Variants in DGKH observed in about 807,000 individuals in gnomAD.
The protein encoded by DGKH is DAG kinase eta.
Under a neutral mutation model 159.3 loss-of-function variants are expected in DGKH, and 90 were observed. That is an observed-to-expected ratio of 0.57 (90% confidence interval 0.48 to 0.67). The LOEUF (loss-of-function observed/expected upper bound fraction) is 0.67, where lower values mean the gene tolerates loss of function less well. DGKH is among the 30% of genes least tolerant of loss of function. The pLI is 0.00. For synonymous variants in DGKH, 536 were observed against 553.8 expected (o/e 0.97, Z 0.45); for missense variants, 1,181 against 1,506.1 (o/e 0.78, Z 3.57).
At chr13:42,112,389 C>T (rs150359645) in intron 1 of DGKH, among the ~76,000 whole-genome samples, 2 of 150,376 alleles carry the variant, frequency 1.3e-5, no homozygotes, top group East Asian at 4.0e-4. Flanking sequence ...TCAAGCGATC[C>T]TCTGGCCTTG....
At chr13:42,158,466 G>C (rs1455105183) in intron 5 of DGKH, among the ~76,000 whole-genome samples, 1 of 152,224 alleles carries the variant, frequency 6.6e-6, no homozygotes, top group Middle Eastern at 3.4e-3. Flanking sequence ...TCCAATTTTT[G>C]TAAGTATGGT....
intron 30 of DGKH, among the ~76,000 whole-genome samples, chr13:42,253,165 T>A (rs1249832006): frequency 1.3e-5 from 2 of 152,178 alleles, no homozygotes; most frequent in African/African-American, 2.4e-5. Flanking sequence ...CTAGTTTGTG[T>A]CCCCCTAAAA....
At chr13:42,044,189 C>G (rs933030401), upstream of DGKH, 1 of 152,244 alleles carries the variant, frequency 6.6e-6, no homozygotes, top group African/African-American at 2.4e-5. Context: ...GAACCTAAAA[C>G]ATGATGGTGT....
rs552213149 is a variant in DGKH, at chr13:42,198,354, T to C, written c.2168-124T>C. ...TTTCATTAATGAGAAGAGTAGGCAC[T>C]GAAATAAGGCACTGAAAACCTTGCT... On this transcript the variant is annotated intron_variant, in intron 17 of 29. Transcript: ENST00000337343. 342 of 718,730 alleles carry C rather than the reference T, an allele frequency of 4.8e-4. 1 individual carries two copies. The highest frequency in any genetic ancestry group is 7.5e-4 in the Non-Finnish European group (326 of 433,062). 44.5% of individuals were successfully genotyped at this position (718,730 alleles called of 1,614,324 possible).
At chr13:42,108,624 T>C (rs1351032149) in intron 1 of DGKH, among the ~76,000 whole-genome samples, 4 of 152,160 alleles carry the variant, frequency 2.6e-5, no homozygotes, top group African/African-American at 4.8e-5. Context: ...TGACGGCATC[T>C]CTAAGTGGAG....
chr13:42,192,739 C>A (rs1322743882), intron 16 of DGKH, among the ~76,000 whole-genome samples: 2 of 152,116 alleles, frequency 1.3e-5, no homozygotes, highest in African/African-American at 4.8e-5. Context: ...CACCTTACAT[C>A]TTCTTTTCCA....
At chr13:42,197,909 A>G (rs1462711556) in intron 17 of DGKH, among the ~76,000 whole-genome samples, 1 of 152,212 alleles carries the variant, frequency 6.6e-6, no homozygotes, top group Non-Finnish European at 1.5e-5. Flanking sequence ...ATGTTGAAAT[A>G]AATTTGAAGT....
intron 1 of DGKH, among the ~76,000 whole-genome samples, chr13:42,109,669 T>C (rs985878261): frequency 6.7e-6 from 1 of 148,256 alleles, no homozygotes; most frequent in South Asian, 2.1e-4. Context: ...TGCGTGTGTG[T>C]GCGTGTGTGT....
intron 1 of DGKH, among the ~76,000 whole-genome samples, chr13:42,054,766 G>A (rs567256033): frequency 1.3e-5 from 2 of 152,158 alleles, no homozygotes; most frequent in Admixed American, 1.3e-4. Flanking sequence ...AATTAAGTAT[G>A]TGAGGTGATG....
At chr13:42,192,560 T>TTCC (rs989983956) in intron 16 of DGKH, among the ~76,000 whole-genome samples, 11 of 147,714 alleles carry the variant, frequency 7.4e-5, no homozygotes, top group African/African-American at 2.5e-4. Context: ...TCCTCCTCCC[T>TTCC]TCCTCCTCCT....
At chr13:42,063,835 A>G (rs1882362214) in intron 1 of DGKH, among the ~76,000 whole-genome samples, 1 of 152,060 alleles carries the variant, frequency 6.6e-6, no homozygotes, top group Admixed American at 6.6e-5. Flanking sequence ...GCTAGTCGGG[A>G]GGCTGAGGCA....
rs1957030492 is a variant in DGKH at position 42,190,320 on chromosome 13, A to C, written c.1913-83A>C. 5.3e-6 allele frequency: 8 copies of C among 1,497,184 alleles called. No individual in the cohort carries two copies. In the South Asian group the frequency reaches 9.3e-5, roughly 17 times the overall value. The allele number at this position is 1,497,184 out of a possible 1,614,324, so 92.7% of individuals were successfully genotyped here. On this transcript the variant is annotated intron_variant, in intron 15 of 29. Transcript: ENST00000337343. ...TGGAATTTTGTTTGGCATATGTTTC[A>C]ATTTGCCTTTCCTGAGCATATCTTA...
intron 1 of DGKH, among the ~76,000 whole-genome samples, chr13:42,100,033 C>T (rs1202102185): frequency 6.6e-6 from 1 of 152,198 alleles, no homozygotes; most frequent in African/African-American, 2.4e-5. Flanking sequence ...GGCCACCAGT[C>T]CGTGGCCTGT....
chr13:42,189,412 A>T, intron 15 of DGKH, 103 bp downstream of exon 15: 1 of 1,461,090 alleles, frequency 6.8e-7, no homozygotes, highest in South Asian at 1.4e-5. Context: ...TTTTAAAAAT[A>T]AAATTTTTAA....
In DGKH at chr13:42,233,772, A is replaced by T. The variant is rs1276667777; in HGVS notation, c.*4584A>T. The stretch of plus-strand genomic sequence containing the variant: ...ACATGTGGCATGTTCATTTGTTCAC[A>T]ACTTAATCACGGGGGACATTTCAGA... On this transcript the variant is annotated 3_prime_UTR_variant, in exon 30 of 30. Coordinates refer to ENST00000337343, the MANE Select transcript of DGKH (RefSeq NM_178009.5). 2 of 152,252 alleles carry T rather than the reference A, an allele frequency of 1.3e-5. No individual in the cohort carries two copies. Among genetic ancestry groups the T allele is most frequent in the Admixed American group, 6.5e-5 (1 of 15,288 alleles). 9.4% of individuals were successfully genotyped at this position (152,252 alleles called of 1,614,324 possible).
chr13:42,165,307 G>T, intron 7 of DGKH, 24 bp from the exon 8 acceptor site: 1 of 1,258,322 alleles, frequency 7.9e-7, no homozygotes, highest in Non-Finnish European at 1.1e-6. Context: ...TATGATTCTT[G>T]AAGGTATATT....
intron 20 of DGKH, among the ~76,000 whole-genome samples, chr13:42,205,047 A>G (rs755826428): frequency 6.6e-6 from 1 of 152,168 alleles, no homozygotes; most frequent in East Asian, 1.9e-4. Context: ...TTAAGAAGCT[A>G]TGTTAATTAT....
intron 30 of DGKH, among the ~76,000 whole-genome samples, chr13:42,252,716 C>G (rs1022663743): frequency 2.0e-5 from 3 of 152,030 alleles, no homozygotes; most frequent in Admixed American, 1.3e-4. Flanking sequence ...CCTATGGCAA[C>G]TGAGTCGGTT....
At chr13:42,121,495 C>A (rs1451843997) in intron 1 of DGKH, among the ~76,000 whole-genome samples, 3 of 152,180 alleles carry the variant, frequency 2.0e-5, no homozygotes, top group African/African-American at 7.2e-5. Flanking sequence ...AATTATAGAA[C>A]CTTCACAATG....
Sources: gnomAD v4.1 joint callset for allele counts (sites outside exome capture counted in the v4.1 genomes callset) on GRCh38, gnomAD v4.1.1 for gene constraint, MANE v1.5 for transcripts, NCBI Gene and HGNC (gene_info 2026-07-23, HGNC 2026-07-21) for gene names.